The following ABHD6 variants were observed in gnomAD, a reference collection of about 807,000 sequenced individuals.
The protein encoded by ABHD6 is monoacylglycerol lipase ABHD6.
In ABHD6, 33 loss-of-function variants were observed where a neutral mutation model predicts 38.8. That is an observed-to-expected ratio of 0.85 (90% CI 0.64 to 1.14). ABHD6 has a LOEUF of 1.14. Among genes scored for constraint, ABHD6 ranks in the 50% most tolerant of loss-of-function variants. The probability of loss-of-function intolerance (pLI) is 0.00; values close to 1 mark genes in which losing one functional copy is unlikely to be tolerated. For synonymous variants in ABHD6, 147 were observed against 161.6 expected, an observed-to-expected ratio of 0.91 and a Z score of 0.69; for missense variants, 380 against 422.6, an observed-to-expected ratio of 0.90 and a Z score of 0.88.
intron 2 of ABHD6, among the ~76,000 whole-genome samples, chr3:58,253,212 T>C (rs537594278): frequency 6.6e-5 from 10 of 151,874 alleles, no homozygotes; most frequent in African/African-American, 2.4e-4. Context: ...GGCTATCATC[T>C]CCAGTGTCAG....
chr3:58,271,541 G>GA (rs1491300971), intron 6 of ABHD6, among the ~76,000 whole-genome samples: 1 of 151,856 alleles, frequency 6.6e-6, no homozygotes, highest in Non-Finnish European at 1.5e-5. Flanking sequence ...GGTAAAAACT[G>GA]AGAGATCTTT....
At chr3:58,280,893 G>A (rs1383342911) in intron 7 of ABHD6, among the ~76,000 whole-genome samples, 5 of 152,210 alleles carry the variant, frequency 3.3e-5, no homozygotes, top group African/African-American at 1.2e-4. Flanking sequence ...GTCCGCTCCA[G>A]ACCCTGTTTG....
At chr3:58,270,160 G>A (rs2097443816) in intron 5 of ABHD6, among the ~76,000 whole-genome samples, 1 of 152,130 alleles carries the variant, frequency 6.6e-6, no homozygotes, top group Non-Finnish European at 1.5e-5. Flanking sequence ...ATAGATGGAT[G>A]GATGGTTGGA....
At chr3:58,264,704 A>G (rs1397199772) in intron 3 of ABHD6, among the ~76,000 whole-genome samples, 3 of 151,684 alleles carry the variant, frequency 2.0e-5, no homozygotes, top group African/African-American at 4.8e-5. Flanking sequence ...AAAAAACCCC[A>G]CCACTTTTCT....
Position 58,287,654 on chromosome 3 carries a change from C to T in ABHD6, c.837+2201C>T, listed in dbSNP as rs1355211290. On this transcript the variant is annotated intron_variant, in intron 9 of 9. Coordinates refer to ENST00000478253, the MANE Select transcript of ABHD6 (RefSeq NM_001320126.2). This position sits in a 1 kb window ranked among gnomAD's most constrained non-coding sequence, Gnocchi z 4.7. The stretch of plus-strand genomic sequence containing the variant: ...GGAATCAGAGCCTGAGCAGCGAAGG[C>T]CTTCTGTTGTTCTAAAAACCCCAAA... Among the ~76,000 whole-genome samples, 1 of 152,188 alleles carries T rather than the reference C, an allele frequency of 6.6e-6. No individual in the cohort carries two copies. Among genetic ancestry groups the T allele is most frequent in the Non-Finnish European group, 1.5e-5 (1 of 68,042 alleles).
At chr3:58,245,407 C>T (rs2097425695) in intron 1 of ABHD6, among the ~76,000 whole-genome samples, 1 of 151,646 alleles carries the variant, frequency 6.6e-6, no homozygotes, top group South Asian at 2.1e-4. Flanking sequence ...CTCAGGTAAT[C>T]CGCCCACCTG....
chr3:58,254,850 AT>A (rs2107433298), intron 2 of ABHD6, among the ~76,000 whole-genome samples: 1 of 76,432 alleles, frequency 1.3e-5, no homozygotes, highest in Admixed American at 1.4e-4. Flanking sequence ...ATATATGTGT[AT>A]ACACACACAC....
rs768716938 is a variant in ABHD6 at position 58,285,406 on chromosome 3, GAC to G, written c.792_793del (p.Asp264GlufsTer150). ...CAGATACTCTCTCCATCAGAACATG[GAC>G]AAGATCAAGGTTCCGACGCAGATCA... ...KSRYSLHQNMDKIKVPTQIIW... is the reference protein window; with the variant it reads ...KSRYSLHQNMXKIKVPTQIIW... On this transcript the variant is annotated frameshift_variant, in exon 9 of 10. Coordinates refer to ENST00000478253, the MANE Select transcript of ABHD6 (RefSeq NM_001320126.2). LOFTEE classifies it high-confidence loss of function. This position sits in a 1 kb window ranked among gnomAD's most constrained non-coding sequence, Gnocchi z 4.9. The G allele has an allele frequency of 1.9e-6, 3 of 1,613,992 alleles. No homozygotes were observed. The East Asian group carries it at 6.7e-5, about 36-fold the overall frequency.
intron 9 of ABHD6, among the ~76,000 whole-genome samples, chr3:58,291,095 C>G (rs1274679950): frequency 6.6e-6 from 1 of 150,860 alleles, no homozygotes; most frequent in African/African-American, 2.4e-5. Flanking sequence ...CACCATTGAG[C>G]ACTGAGTGAA....
At chr3:58,278,533 G>C (rs889691290) in intron 7 of ABHD6, among the ~76,000 whole-genome samples, 1 of 151,958 alleles carries the variant, frequency 6.6e-6, no homozygotes, top group Non-Finnish European at 1.5e-5. Context: ...CAATTTTGTT[G>C]ATCTTTTCAA....
At chr3:58,278,167 A>G (rs7431952) in intron 7 of ABHD6, among the ~76,000 whole-genome samples, 119,002 of 152,198 alleles carry the variant, frequency 0.78, 47,272 homozygotes, top group East Asian at 1. Flanking sequence ...AATCGTTTCC[A>G]AAGGAATGGT....
chr3:58,276,835 CT>C (rs2097449085), intron 7 of ABHD6, among the ~76,000 whole-genome samples: 1 of 152,218 alleles, frequency 6.6e-6, no homozygotes, highest in Non-Finnish European at 1.5e-5. Context: ...CTACATATGG[CT>C]AGCCAGTTTT....
rs758373240 is a variant in ABHD6 at position 58,293,760 on chromosome 3, G to A, written c.1009G>A (p.Asp337Asn). Residue 337 changes from aspartate to asparagine, a missense_variant, in exon 10 of 10, where the codon GAC (aspartate) becomes AAC (asparagine). By Grantham distance (23) the Asp-to-Asn change is conservative. Transcript: ENST00000478253. This position sits in a 1 kb window ranked among gnomAD's most constrained non-coding sequence, Gnocchi z 4.4. ...VHNTDNNKKL[D>N] Reference sequence around the variant, plus strand: ...CAACACAGACAACAACAAGAAGCTGGACTGAGGCCCCGACTGCAGCCTGCA... The same window carrying A: ...CAACACAGACAACAACAAGAAGCTGAACTGAGGCCCCGACTGCAGCCTGCA... 3 of 1,613,900 alleles carry A rather than the reference G, an allele frequency of 1.9e-6. No homozygotes were observed. The highest frequency in any genetic ancestry group is 2.2e-5 in the South Asian group (2 of 91,068).
rs58771259 is a variant in ABHD6, at chr3:58,254,851, TACACACAC to T, written c.-25-1685_-25-1678del. ...GTGTGTATATACATATATATGTGTA[TACACACAC>T]ACACACACACACACACACACACACA... On this transcript the variant is annotated intron_variant, in intron 2 of 9. Transcript: ENST00000478253. Among the ~76,000 whole-genome samples, 538 of 146,922 alleles carry T rather than the reference TACACACAC, an allele frequency of 3.7e-3. 3 individuals carry two copies. The highest frequency in any genetic ancestry group is 5.2e-3 in the Admixed American group (76 of 14,560).
At chr3:58,240,214 A>G (rs575375260) in intron 1 of ABHD6, among the ~76,000 whole-genome samples, 1 of 152,178 alleles carries the variant, frequency 6.6e-6, no homozygotes, top group Admixed American at 6.5e-5. Context: ...AAGATTGGAA[A>G]TCAGCTTCAC....
In ABHD6 at chr3:58,285,599, G is replaced by A. The variant is rs952102959; in HGVS notation, c.837+146G>A. The A allele has an allele frequency of 7.3e-6, 5 of 680,476 alleles. No individual in the cohort carries two copies. Among genetic ancestry groups the A allele is most frequent in the East Asian group, 2.7e-5 (1 of 37,200 alleles). The allele number at this position is 680,476 out of a possible 1,614,324, so 42.2% of individuals were successfully genotyped here. Reference sequence around the variant, plus strand: ...GGGAAGGCACCTGTGTTGGGTGCCAGTGTTGACAGTGGGCAGAGTTCTGGG... The same window carrying A: ...GGGAAGGCACCTGTGTTGGGTGCCAATGTTGACAGTGGGCAGAGTTCTGGG... On this transcript the variant is annotated intron_variant, in intron 9 of 9. Coordinates refer to ENST00000478253, the MANE Select transcript of ABHD6 (RefSeq NM_001320126.2). The surrounding 1 kb of genome is among the most constrained non-coding windows in gnomAD (Gnocchi z 4.9).
chr3:58,242,682 C>T (rs2097423629), intron 1 of ABHD6, among the ~76,000 whole-genome samples: 2 of 152,214 alleles, frequency 1.3e-5, no homozygotes, highest in African/African-American at 4.8e-5. Context: ...TTTTGAGGAG[C>T]TTGCAGCCTA....
chr3:58,286,848 G>GCATATAGATATATATATATATA (rs746605515), intron 9 of ABHD6, among the ~76,000 whole-genome samples: 1 of 70,060 alleles, frequency 1.4e-5, no homozygotes, highest in African/African-American at 5.6e-5. Context: ...GTGTGTGTGT[G>GCATATAGATATATATATATATA]TGTGTATATA....
chr3:58,240,571 T>A (rs190733174), intron 1 of ABHD6, among the ~76,000 whole-genome samples: 3,003 of 150,434 alleles, frequency 0.02, 80 homozygotes, highest in African/African-American at 0.062. Context: ...CTTAAAAAAA[T>A]TTTTTTTTTA....
Sources: gnomAD v4.1 joint callset for allele counts (sites outside exome capture counted in the v4.1 genomes callset) on GRCh38, gnomAD v4.1.1 for gene constraint, Gnocchi (gnomAD v3.1) non-coding constraint, MANE v1.5 for transcripts, NCBI Gene and HGNC (gene_info 2026-07-23, HGNC 2026-07-21) for gene names.